The following PDE3A variants were observed in gnomAD, a reference collection of about 807,000 sequenced individuals.
PDE3A encodes the protein cGMP-inhibited 3',5'-cyclic phosphodiesterase 3A.
PDE3A carries 43 observed loss-of-function variants against 98.3 expected under a neutral mutation model. The ratio of observed to expected loss-of-function variants is 0.44; its 90% CI spans 0.34 to 0.56. The LOEUF is 0.56. PDE3A is among the 20% of genes least tolerant of loss of function. PDE3A has a pLI of 0.01. For synonymous variants in PDE3A, 663 were observed against 567.9 expected (o/e 1.17, Z -2.38); for missense variants, 1,427 against 1,440.7 (o/e 0.99, Z 0.15).
At position 20,684,667 on chromosome 12, in the gene PDE3A, C is replaced by T. The variant is rs1945903465; in HGVS notation, c.*4396C>T. 6.6e-6 allele frequency among the ~76,000 whole-genome samples: 1 copy of T among 152,112 alleles called. No individual in the cohort carries two copies. The highest frequency in any genetic ancestry group is 1.5e-5 in the Non-Finnish European group (1 of 68,004). On this transcript the variant is annotated 3_prime_UTR_variant, in exon 16 of 16. Transcript: ENST00000359062. ...ATTGTCAGTCCATTTTTTAAATCTT[C>T]AACAAAATTCAATTTTAAGATTAAG...
At chr12:20,599,990 C>T (rs975916052) in intron 2 of PDE3A, among the ~76,000 whole-genome samples, 1 of 152,178 alleles carries the variant, frequency 6.6e-6, no homozygotes, top group African/African-American at 2.4e-5. Flanking sequence ...GCTGACCACT[C>T]CTTGCTTCTT....
chr12:20,438,992 A>G (rs555221036), intron 1 of PDE3A, among the ~76,000 whole-genome samples: 1 of 152,058 alleles, frequency 6.6e-6, no homozygotes, highest in South Asian at 2.1e-4. Flanking sequence ...ACGGGGTTTC[A>G]CCATGTTGGT....
intron 2 of PDE3A, among the ~76,000 whole-genome samples, chr12:20,587,816 A>T (rs1207404213): frequency 6.6e-6 from 1 of 152,208 alleles, no homozygotes; most frequent in African/African-American, 2.4e-5. Context: ...CAGAAGTTAG[A>T]TTAATAGTTT....
intron 2 of PDE3A, among the ~76,000 whole-genome samples, chr12:20,576,197 T>G (rs1193223239): frequency 1.3e-5 from 2 of 152,088 alleles, no homozygotes; most frequent in Admixed American, 6.6e-5. Context: ...TTAATTTGCA[T>G]TTTTATTATA....
At chr12:20,572,608 G>T (rs1383678352) in intron 2 of PDE3A, among the ~76,000 whole-genome samples, 1 of 151,912 alleles carries the variant, frequency 6.6e-6, no homozygotes, top group Non-Finnish European at 1.5e-5. Context: ...TTTCCTCGTG[G>T]ATTAGTAGCA....
intron 15 of PDE3A, among the ~76,000 whole-genome samples, chr12:20,658,995 GCACATGTATT>G (rs1442740281): frequency 6.6e-6 from 1 of 152,100 alleles, no homozygotes; most frequent in Middle Eastern, 3.2e-3. Flanking sequence ...ATAAAACATA[GCACATGTATT>G]TCAGTTTTTG....
intron 3 of PDE3A, among the ~76,000 whole-genome samples, chr12:20,614,359 A>C (rs1351521150): frequency 1.3e-5 from 2 of 152,184 alleles, no homozygotes; most frequent in East Asian, 3.9e-4. Flanking sequence ...ATTAATTAAA[A>C]ATAAGTCATA....
rs759063212 is a variant in PDE3A at position 20,650,650 on chromosome 12, A to G, written c.2925+50A>G. ...CTTAATCTGTACTTACAGGTTGCTC[A>G]TGAATTGCTCAAAGCTTCTAACAGC... On this transcript the variant is annotated intron_variant, in intron 14 of 15. Coordinates refer to ENST00000359062, the MANE Select transcript of PDE3A (RefSeq NM_000921.5). 21 of 1,201,848 alleles carry G rather than the reference A, an allele frequency of 1.7e-5. 1 individual carries two copies. 74.4% of individuals were successfully genotyped at this position (1,201,848 alleles called of 1,614,324 possible).
intron 6 of PDE3A, among the ~76,000 whole-genome samples, chr12:20,631,700 A>ATTTT (rs58133440): frequency 0.32 from 37,714 of 116,258 alleles, 5,386 homozygotes; most frequent in East Asian, 0.53. Context: ...ATCATAGTGT[A>ATTTT]TTTTTTTTTT....
At chr12:20,440,846 T>C (rs151287415) in intron 1 of PDE3A, among the ~76,000 whole-genome samples, 14 of 152,288 alleles carry the variant, frequency 9.2e-5, no homozygotes, top group African/African-American at 3.4e-4. Context: ...ATATATTCTT[T>C]TGGGATTCCT....
At chr12:20,435,891 T>A (rs1371530185) in intron 1 of PDE3A, among the ~76,000 whole-genome samples, 1 of 152,148 alleles carries the variant, frequency 6.6e-6, no homozygotes, top group Non-Finnish European at 1.5e-5. Context: ...GTTCTCCCCA[T>A]CCCACCCCTG....
intron 1 of PDE3A, among the ~76,000 whole-genome samples, chr12:20,507,998 A>G (rs1227698915): frequency 6.6e-6 from 1 of 152,012 alleles, no homozygotes; most frequent in Non-Finnish European, 1.5e-5. Flanking sequence ...CCCGTGTTAG[A>G]CCTTACAGTT....
chr12:20,372,156 T>C (rs543889487), intron 1 of PDE3A, among the ~76,000 whole-genome samples: 10 of 152,334 alleles, frequency 6.6e-5, no homozygotes, highest in African/African-American at 2.4e-4. Context: ...CTGGTTTAAA[T>C]TGATAAATGG....
intron 1 of PDE3A, among the ~76,000 whole-genome samples, chr12:20,467,179 T>A (rs538212639): frequency 3.0e-4 from 46 of 152,276 alleles, no homozygotes; most frequent in African/African-American, 1.1e-3. Flanking sequence ...AGTTATTGGT[T>A]GTTTTCATCT....
chr12:20,442,925 T>G (rs961697561), intron 1 of PDE3A, among the ~76,000 whole-genome samples: 1 of 152,142 alleles, frequency 6.6e-6, no homozygotes, highest in Admixed American at 6.6e-5. Flanking sequence ...AGAAAATAGG[T>G]TGCATTATTC....
chr12:20,528,157 C>T (rs1314650227), intron 1 of PDE3A, among the ~76,000 whole-genome samples: 2 of 152,110 alleles, frequency 1.3e-5, no homozygotes, highest in South Asian at 2.1e-4. Flanking sequence ...AGTAGTTGTT[C>T]TCAGTTGCTA....
At chr12:20,649,928 A>G (rs879803874) in intron 13 of PDE3A, among the ~76,000 whole-genome samples, 6 of 141,976 alleles carry the variant, frequency 4.2e-5, no homozygotes, top group Admixed American at 7.4e-5. Context: ...CTCTGTCTCA[A>G]AAAAAGAAAA....
chr12:20,607,070 A>G (rs1943727548), intron 2 of PDE3A, among the ~76,000 whole-genome samples: 1 of 152,026 alleles, frequency 6.6e-6, no homozygotes, highest in Non-Finnish European at 1.5e-5. Context: ...GTCTAAAGCC[A>G]GGATTAGGTA....
At chr12:20,627,145 TAAA>T (rs66734223) in intron 5 of PDE3A, among the ~76,000 whole-genome samples, 15 of 134,024 alleles carry the variant, frequency 1.1e-4, no homozygotes, top group Non-Finnish European at 1.6e-4. Flanking sequence ...ATTGTTCTGT[TAAA>T]AAAAAAAAAA....
Sources: allele counts gnomAD v4.1 joint callset (sites outside exome capture counted in the v4.1 genomes callset), GRCh38; gene constraint gnomAD v4.1.1; transcripts MANE v1.5; gene names NCBI Gene and HGNC (gene_info 2026-07-23, HGNC 2026-07-21).